The following GPATCH11 variants were observed in gnomAD, a reference collection of about 807,000 sequenced individuals.
The protein encoded by GPATCH11 is G patch domain-containing protein 11.
Under a neutral mutation model 44.8 loss-of-function variants are expected in GPATCH11, and 32 were observed. That is an observed-to-expected ratio of 0.71 (90% confidence interval 0.54 to 0.96). The LOEUF is 0.96. Among genes scored for constraint, GPATCH11 ranks in the 40% least tolerant of loss-of-function variants. GPATCH11 has a pLI of 0.00. For synonymous variants in GPATCH11, 84 were observed against 94.4 expected, an observed-to-expected ratio of 0.89 and a Z score of 0.64; for missense variants, 324 against 303.1, an observed-to-expected ratio of 1.07 and a Z score of -0.51.
At chr2:37,086,228 C>A (rs1317930060) in intron 1 of GPATCH11, among the ~76,000 whole-genome samples, 1 of 152,150 alleles carries the variant, frequency 6.6e-6, no homozygotes, top group African/African-American at 2.4e-5. Flanking sequence ...CACATGGTTA[C>A]AAGAATGTTT....
chr2:37,089,705 A>C lies in GPATCH11; in HGVS notation c.125A>C (p.Lys42Thr). ...CGAGAAGCCCGTCGAAAAGAAGAAAAGCAACAGGAAGCCAATTTGAAAAAC... is the reference window on the plus strand; with the variant it reads ...CGAGAAGCCCGTCGAAAAGAAGAAACGCAACAGGAAGCCAATTTGAAAAAC... ...QIREARRKEE[K>T]QQEANLKNRQ... Residue 42 changes from lysine to threonine, a missense_variant, in exon 3 of 9, where the codon AAG becomes ACG. Physicochemically the swap from Lys to Thr is moderately conservative, Grantham distance 78 (BLOSUM62 -1). Coordinates refer to ENST00000674370, the MANE Select transcript of GPATCH11 (RefSeq NM_174931.4). 1 of 1,551,902 alleles carries C rather than the reference A, an allele frequency of 6.4e-7. No homozygotes were observed. Among genetic ancestry groups the C allele is most frequent in the South Asian group, 1.2e-5 (1 of 84,070 alleles).
At chr2:37,088,270 A>T (rs1256605900) in intron 1 of GPATCH11, 99 bp from the exon 2 acceptor site, 2 of 510,722 alleles carry the variant, frequency 3.9e-6, no homozygotes, top group Non-Finnish European at 7.1e-6. Flanking sequence ...ACTTGAATAT[A>T]TAGTAGAGCT....
chr2:37,096,504 A>G lies in GPATCH11; in HGVS notation c.*241A>G. 2.2e-6 allele frequency: 1 copy of G among 448,252 alleles called. No homozygotes were observed. The highest frequency in any genetic ancestry group is 4.0e-6 in the Non-Finnish European group (1 of 251,322). 27.8% of individuals were successfully genotyped at this position (448,252 alleles called of 1,614,324 possible). On this transcript the variant is annotated 3_prime_UTR_variant, in exon 9 of 9. Coordinates refer to ENST00000674370, the MANE Select transcript of GPATCH11 (RefSeq NM_174931.4). ...TTACAATTTATTGCTATATTGTGAT[A>G]CGTGAGGGGTTTAAGGACACCAACA...
In GPATCH11 at chr2:37,084,531, G is replaced by T. The variant is rs796288665; in HGVS notation, c.-53G>T. The T allele has an allele frequency of 5.7e-6, 7 of 1,232,372 alleles. No homozygotes were observed. The highest frequency in any genetic ancestry group is 7.1e-6 in the Non-Finnish European group (7 of 988,316). 76.3% of individuals were successfully genotyped at this position (1,232,372 alleles called of 1,614,324 possible). On this transcript the variant is annotated 5_prime_UTR_variant, in exon 1 of 9. Transcript: ENST00000674370. ...GTCGGTGGGCGCATGCGCAGCGCGC[G>T]CTCTACGGCGCTGAACCGGGGCGAG...
chr2:37,097,632 G>A lies in GPATCH11; in HGVS notation c.*1369G>A, dbSNP rs1673656290. 1 of 152,192 alleles carries A rather than the reference G, an allele frequency of 6.6e-6. No individual in the cohort carries two copies. Among genetic ancestry groups the A allele is most frequent in the African/African-American group, 2.4e-5 (1 of 41,454 alleles). 9.4% of individuals were successfully genotyped at this position (152,192 alleles called of 1,614,324 possible). A position where few individuals can be genotyped will look rare whatever the true frequency, so the allele number is the denominator to read the frequency against. On this transcript the variant is annotated 3_prime_UTR_variant, in exon 9 of 9. Transcript: ENST00000674370. ...CACCTGTTAGTTAGATTGAGCAAGA[G>A]AACAACCCCTTTTATTAGAAACAGC...
At position 37,086,770 on chromosome 2, in the gene GPATCH11, G is replaced by C. The variant is rs187497863; in HGVS notation, c.-13-1599G>C. ...GCTGAGATCACACCACTGCACTCCA[G>C]CCTGGGTGATAGAACGAGATTCTGT... On this transcript the variant is annotated intron_variant, in intron 1 of 8. Coordinates refer to ENST00000674370, the MANE Select transcript of GPATCH11 (RefSeq NM_174931.4). Among the ~76,000 whole-genome samples the C allele has an allele frequency of 9.3e-4, 142 of 152,314 alleles. 2 individuals carry two copies. In the East Asian group the frequency reaches 0.021, roughly 22 times the overall value.
At chr2:37,084,657 C>T (rs1262755654) in intron 1 of GPATCH11, 87 bp downstream of exon 1, 5 of 1,085,870 alleles carry the variant, frequency 4.6e-6, no homozygotes, top group Admixed American at 4.2e-5. Context: ...CGTATCACAC[C>T]GTCAGCCACT....
At chr2:37,095,664 A>G (rs1360569565) in intron 8 of GPATCH11, 146 bp downstream of exon 8, 4 of 894,578 alleles carry the variant, frequency 4.5e-6, no homozygotes, top group Non-Finnish European at 6.2e-6. Context: ...TATAGAAATA[A>G]TTGAGGCTTT....
Position 37,094,088 on chromosome 2 carries a change from C to A in GPATCH11, c.547C>A (p.Gln183Lys). The A allele has an allele frequency of 6.3e-7, 1 of 1,587,388 alleles. No individual in the cohort carries two copies. The highest frequency in any genetic ancestry group is 8.6e-7 in the Non-Finnish European group (1 of 1,162,248). ...ACTACTTCTGCATTTTCAGAATATT[C>A]AGGTTCCCAGGGAAGCATGGTACTG... ...CQQLDVQKNI[Q>K]VPREAWYWLR... Residue 183 changes from glutamine to lysine, a missense_variant, in exon 7 of 9, where the codon CAG (glutamine) becomes AAG (lysine). Coordinates refer to ENST00000674370, the MANE Select transcript of GPATCH11 (RefSeq NM_174931.4).
rs764987124 is a variant in GPATCH11 at position 37,088,361 on chromosome 2, AT to A, written c.-13-5del. 60 of 1,390,804 alleles carry A rather than the reference AT, an allele frequency of 4.3e-5. No individual in the cohort carries two copies. The highest frequency in any genetic ancestry group is 5.5e-5 in the Non-Finnish European group (56 of 1,014,866). 86.2% of individuals were successfully genotyped at this position (1,390,804 alleles called of 1,614,324 possible). Reference sequence around the variant, plus strand: ...TAAAAAAAAAAGTAATTATTACTTTATTTGTAGATACTATAGCCATATGAAG... The same window carrying A: ...TAAAAAAAAAAGTAATTATTACTTTATTGTAGATACTATAGCCATATGAAG... On this transcript the variant is annotated splice_region_variant and splice_polypyrimidine_tract_variant and intron_variant, in intron 1 of 8. Coordinates refer to ENST00000674370, the MANE Select transcript of GPATCH11 (RefSeq NM_174931.4).
intron 7 of GPATCH11, among the ~76,000 whole-genome samples, chr2:37,094,586 C>T (rs1453228986): frequency 6.6e-6 from 1 of 152,116 alleles, no homozygotes; most frequent in Non-Finnish European, 1.5e-5. Flanking sequence ...TGCAAAACTT[C>T]TACAAGTCAT....
At chr2:37,089,340 G>C (rs545324834) in intron 2 of GPATCH11, among the ~76,000 whole-genome samples, 1 of 152,298 alleles carries the variant, frequency 6.6e-6, no homozygotes, top group African/African-American at 2.4e-5. Context: ...GCTGAGGCGG[G>C]CAGATCACCT....
intron 6 of GPATCH11, among the ~76,000 whole-genome samples, chr2:37,092,523 C>T (rs7568925): frequency 0.035 from 5,032 of 144,978 alleles, 122 homozygotes; most frequent in Non-Finnish European, 0.052. Context: ...ACTCCAAGCC[C>T]GGTTTATCTA....
intron 7 of GPATCH11, among the ~76,000 whole-genome samples, 181 bp from the exon 8 acceptor site, chr2:37,095,256 C>G (rs1402806972): frequency 6.6e-6 from 1 of 152,204 alleles, no homozygotes; most frequent in Admixed American, 6.5e-5. Flanking sequence ...GTGGAAATCT[C>G]AGGGTGGCTA....
At chr2:37,091,868 G>T in intron 4 of GPATCH11, 48 bp from the exon 5 acceptor site, 3 of 1,570,396 alleles carry the variant, frequency 1.9e-6, no homozygotes, top group Non-Finnish European at 2.6e-6. Flanking sequence ...GTCTTGTTTT[G>T]AAGCACAAAG....
chr2:37,094,009 C>A, intron 6 of GPATCH11, 73 bp from the exon 7 acceptor site: 1 of 932,046 alleles, frequency 1.1e-6, no homozygotes, highest in Non-Finnish European at 1.7e-6. Context: ...AGAATGAATT[C>A]ATGTTGACAT....
chr2:37,089,755 G>A lies in GPATCH11; in HGVS notation c.175G>A (p.Glu59Lys). ...KNRQKSLKEE[E>K]QERRDIGLKN... Reference sequence around the variant, plus strand: ...CAGGCAGAAGAGTTTAAAAGAAGAAGAACAAGAAAGACGTGACATTGGGTT... The same window carrying A: ...CAGGCAGAAGAGTTTAAAAGAAGAAAAACAAGAAAGACGTGACATTGGGTT... The change falls in exon 3 of 9, where the codon GAA (glutamate) becomes AAA (lysine). Residue 59 changes from glutamate (E) to lysine (K), a missense_variant. By Grantham distance (56) the Glu-to-Lys change is moderately conservative. Transcript: ENST00000674370. 1 of 1,551,880 alleles carries A rather than the reference G, an allele frequency of 6.4e-7. No individual in the cohort carries two copies. The highest frequency in any genetic ancestry group is 1.2e-5 in the South Asian group (1 of 84,056).
rs1223787573 is a variant in GPATCH11, at chr2:37,090,675, T to G, written c.287-6T>G. 6.8e-7 allele frequency: 1 copy of G among 1,465,256 alleles called. No homozygotes were observed. 90.8% of individuals were successfully genotyped at this position (1,465,256 alleles called of 1,614,324 possible). ...TCTAAAATAGTTTGTATTCATTCTCTTTAAGGGGGTGGTATTGTTGAACCA... is the reference window on the plus strand; with the variant it reads ...TCTAAAATAGTTTGTATTCATTCTCGTTAAGGGGGTGGTATTGTTGAACCA... On this transcript the variant is annotated splice_region_variant and splice_polypyrimidine_tract_variant and intron_variant, in intron 3 of 8. Transcript: ENST00000674370.
At chr2:37,094,332 C>A in intron 7 of GPATCH11, 137 bp downstream of exon 7, 1 of 586,948 alleles carries the variant, frequency 1.7e-6, no homozygotes, top group Non-Finnish European at 3.1e-6. Flanking sequence ...CCCCTGCCCA[C>A]CAGATACCAG....
Sources: allele counts gnomAD v4.1 joint callset (sites outside exome capture counted in the v4.1 genomes callset), GRCh38; gene constraint gnomAD v4.1.1; transcripts MANE v1.5; gene names NCBI Gene and HGNC (gene_info 2026-07-23, HGNC 2026-07-21).